Variants in ZNF704 observed in about 807,000 individuals in gnomAD.
ZNF704 encodes the protein glucocorticoid induced gene 1.
Under a neutral mutation model 44.7 loss-of-function variants are expected in ZNF704, and 10 were observed. That is an observed-to-expected ratio of 0.22 (90% CI 0.14 to 0.38). ZNF704 has a LOEUF of 0.38. Among genes scored for constraint, ZNF704 ranks in the 10% least tolerant of loss-of-function variants. The probability of loss-of-function intolerance (pLI) is 1.00; values close to 1 mark genes in which losing one functional copy is unlikely to be tolerated. For synonymous variants in ZNF704, 211 were observed against 207.6 expected (o/e 1.02, Z -0.14); for missense variants, 390 against 545.5 (o/e 0.71, Z 2.84).
In ZNF704 at chr8:80,632,985, T is replaced by C. The variant is rs1402423919; in HGVS notation, c.*8381A>G. On this transcript the variant is annotated 3_prime_UTR_variant, in exon 9 of 9. Transcript: ENST00000327835. ...CTTCTAGCTCCACAACCCAACTGCCTGTGAATGACTTTACACTCAAGATGT... is the reference window on the plus strand; with the variant it reads ...CTTCTAGCTCCACAACCCAACTGCCCGTGAATGACTTTACACTCAAGATGT... The C allele has an allele frequency of 2.2e-5, 3 of 135,496 alleles. No individual in the cohort carries two copies. The highest frequency in any genetic ancestry group is 1.2e-4 in the African/African-American group (3 of 25,654). The allele number at this position is 135,496 out of a possible 1,614,324, so 8.4% of individuals were successfully genotyped here. A position where few individuals can be genotyped will look rare whatever the true frequency, so the allele number is the denominator to read the frequency against.
Position 80,636,932 on chromosome 8 carries a change from G to C in ZNF704, c.*4434C>G, listed in dbSNP as rs1817671824. 6.6e-6 allele frequency: 1 copy of C among 152,178 alleles called. No individual in the cohort carries two copies. Among genetic ancestry groups the C allele is most frequent in the Admixed American group, 6.5e-5 (1 of 15,288 alleles). The allele number at this position is 152,178 out of a possible 1,614,324, so 9.4% of individuals were successfully genotyped here. On this transcript the variant is annotated 3_prime_UTR_variant, in exon 9 of 9. Coordinates refer to ENST00000327835, the MANE Select transcript of ZNF704 (RefSeq NM_001033723.3). ...GGCTTGCTTTCGCCTACGGAATTCTGCTGATAGCTAATAAACAGTCATCCA... is the reference window on the plus strand; with the variant it reads ...GGCTTGCTTTCGCCTACGGAATTCTCCTGATAGCTAATAAACAGTCATCCA...
intron 1 of ZNF704, among the ~76,000 whole-genome samples, chr8:80,847,010 T>C (rs1180676558): frequency 1.3e-5 from 2 of 151,910 alleles, no homozygotes; most frequent in African/African-American, 4.8e-5. Context: ...CTGTCTCTAC[T>C]AAAAATACAA....
intron 2 of ZNF704, among the ~76,000 whole-genome samples, chr8:80,797,457 A>G (rs1340429358): frequency 6.6e-6 from 1 of 152,162 alleles, no homozygotes; most frequent in African/African-American, 2.4e-5. Context: ...CTGTGCCTCC[A>G]TATCTCTTGC....
chr8:80,804,519 T>G (rs1217093710), intron 2 of ZNF704, among the ~76,000 whole-genome samples: 1 of 152,162 alleles, frequency 6.6e-6, no homozygotes, highest in Admixed American at 6.5e-5. Flanking sequence ...ATTATGTCCT[T>G]TGCAGGGACA....
chr8:80,867,841 C>T (rs1432507426), intron 1 of ZNF704, among the ~76,000 whole-genome samples: 5 of 152,214 alleles, frequency 3.3e-5, no homozygotes, highest in Admixed American at 3.3e-4. Context: ...ATTTACTGAG[C>T]ACTGGAAGTG....
chr8:80,673,798 C>A (rs924131874), intron 4 of ZNF704, among the ~76,000 whole-genome samples: 1 of 152,204 alleles, frequency 6.6e-6, no homozygotes, highest in African/African-American at 2.4e-5. Context: ...AAGCAGAGGA[C>A]AAATGTGGCA....
chr8:80,654,330 A>G (rs2131599985), intron 7 of ZNF704, among the ~76,000 whole-genome samples: 1 of 152,328 alleles, frequency 6.6e-6, no homozygotes, highest in African/African-American at 2.4e-5. Flanking sequence ...AAAAGCCAAA[A>G]TTGACAAATG....
At chr8:80,808,029 A>G (rs1289022473) in intron 2 of ZNF704, among the ~76,000 whole-genome samples, 2 of 152,080 alleles carry the variant, frequency 1.3e-5, no homozygotes, top group Non-Finnish European at 2.9e-5. Context: ...GAGAAAGGAA[A>G]CTCTTTGGCT....
chr8:80,825,893 C>A (rs1309145715), intron 1 of ZNF704, among the ~76,000 whole-genome samples: 8 of 152,042 alleles, frequency 5.3e-5, no homozygotes, highest in South Asian at 2.1e-4. Context: ...ACAAAGACAC[C>A]ACATACAAGA....
chr8:80,821,704 A>G, intron 1 of ZNF704, 89 bp from the exon 2 acceptor site: 1 of 915,728 alleles, frequency 1.1e-6, no homozygotes, highest in African/African-American at 1.7e-5. Context: ...GATTACAGAC[A>G]CTGTCCTTCC....
At chr8:80,668,505 G>A (rs1379753354) in intron 5 of ZNF704, among the ~76,000 whole-genome samples, 2 of 152,176 alleles carry the variant, frequency 1.3e-5, no homozygotes. Context: ...GAAGAAGAAC[G>A]AGCATCTGTT....
intron 1 of ZNF704, among the ~76,000 whole-genome samples, chr8:80,828,587 A>G (rs536104242): frequency 6.6e-6 from 1 of 152,178 alleles, no homozygotes; most frequent in African/African-American, 2.4e-5. Flanking sequence ...TCACTCTCCC[A>G]TTTAAATAGA....
Position 80,632,082 on chromosome 8 carries a change from A to G in ZNF704, c.*9284T>C. 1 of 152,166 alleles carries G rather than the reference A, an allele frequency of 6.6e-6. No individual in the cohort carries two copies. The highest frequency in any genetic ancestry group is 1.9e-4 in the East Asian group (1 of 5,188). 9.4% of individuals were successfully genotyped at this position (152,166 alleles called of 1,614,324 possible). ...CTAGAATGGGGACTGTTCTCTTTTA[A>G]AGCTGTTTCTTGAGTGCTGGTTTTC... is the stretch of plus-strand genomic sequence containing the variant. On this transcript the variant is annotated 3_prime_UTR_variant, in exon 9 of 9. Coordinates refer to ENST00000327835, the MANE Select transcript of ZNF704 (RefSeq NM_001033723.3).
chr8:80,855,765 A>G lies in ZNF704; in HGVS notation c.-22+18806T>C, dbSNP rs530778715. Among the ~76,000 whole-genome samples the G allele has an allele frequency of 4.6e-5, 7 of 152,354 alleles. 1 individual carries two copies. The South Asian group carries it at 1.4e-3, about 32-fold the overall frequency. On this transcript the variant is annotated intron_variant, in intron 1 of 8. Coordinates refer to ENST00000327835, the MANE Select transcript of ZNF704 (RefSeq NM_001033723.3). ...CAAAACTACAATTGTACCCCCATACATTTACACAAATAAAAAAATAAAAAA... is the reference window on the plus strand; with the variant it reads ...CAAAACTACAATTGTACCCCCATACGTTTACACAAATAAAAAAATAAAAAA...
chr8:80,640,310 G>GA lies in ZNF704; in HGVS notation c.*1055dup, dbSNP rs1320272046. ...GTTTGTTGATCTAACATGACTTTCT[G>GA]AACAGGTAGGGCCATGTGGGCTGTG... On this transcript the variant is annotated 3_prime_UTR_variant, in exon 9 of 9. Coordinates refer to ENST00000327835, the MANE Select transcript of ZNF704 (RefSeq NM_001033723.3). The GA allele has an allele frequency of 6.6e-6, 1 of 152,624 alleles. No individual in the cohort carries two copies. The highest frequency in any genetic ancestry group is 1.5e-5 in the Non-Finnish European group (1 of 68,044). 9.5% of individuals were successfully genotyped at this position (152,624 alleles called of 1,614,324 possible).
Position 80,652,462 on chromosome 8 carries a change from G to A in ZNF704, c.1032+7123C>T, listed in dbSNP as rs563275124. Among the ~76,000 whole-genome samples the A allele has an allele frequency of 9.2e-5, 14 of 151,566 alleles. No homozygotes were observed. The South Asian group carries it at 1.7e-3, about 18-fold the overall frequency. ...GAAAAGAGAGAAGAATCAAATAGACGCAACAAAAAATGATAAAGGGGATAT... is the reference window on the plus strand; with the variant it reads ...GAAAAGAGAGAAGAATCAAATAGACACAACAAAAAATGATAAAGGGGATAT... On this transcript the variant is annotated intron_variant, in intron 7 of 8. Transcript: ENST00000327835.
chr8:80,695,500 C>T (rs1818711062), intron 2 of ZNF704, among the ~76,000 whole-genome samples: 1 of 152,160 alleles, frequency 6.6e-6, no homozygotes, highest in African/African-American at 2.4e-5. Flanking sequence ...CCCCTCGCCC[C>T]CTCCCCTGAT....
At position 80,791,960 on chromosome 8, in the gene ZNF704, G is replaced by C. The variant is rs1430637488; in HGVS notation, c.221+29414C>G. On this transcript the variant is annotated intron_variant, in intron 2 of 8. Coordinates refer to ENST00000327835, the MANE Select transcript of ZNF704 (RefSeq NM_001033723.3). ...AGCTCACAATGGGTGCCTGACTCTT[G>C]AGAGCAGGTGAGCTCAGTGTTGGCC... Among the ~76,000 whole-genome samples, 9 of 152,336 alleles carry C rather than the reference G, an allele frequency of 5.9e-5. No homozygotes were observed. In the East Asian group the frequency reaches 1.7e-3, roughly 29 times the overall value.
At chr8:80,697,205 A>T (rs1438943547) in intron 2 of ZNF704, among the ~76,000 whole-genome samples, 2 of 152,130 alleles carry the variant, frequency 1.3e-5, no homozygotes, top group African/African-American at 4.8e-5. Flanking sequence ...CCTGAGCCAG[A>T]CTATGGGGGT....
Sources: gnomAD v4.1 joint callset for allele counts (sites outside exome capture counted in the v4.1 genomes callset) on GRCh38, gnomAD v4.1.1 for gene constraint, MANE v1.5 for transcripts, NCBI Gene and HGNC (gene_info 2026-07-23, HGNC 2026-07-21) for gene names.